The following DOCK3 variants were observed in gnomAD, a reference collection of about 807,000 sequenced individuals.
DOCK3 encodes the protein dedicator of cytokinesis 3.
A neutral mutation model predicts 265.6 loss-of-function variants in DOCK3; 60 were observed. The ratio of observed to expected loss-of-function variants is 0.23; its 90% CI spans 0.18 to 0.28. The LOEUF is 0.28. DOCK3 is among the 10% of genes least tolerant of loss of function. The pLI is 1.00. For synonymous variants in DOCK3, 881 were observed against 938.0 expected (o/e 0.94, Z 1.11); for missense variants, 1,981 against 2,594.3 (o/e 0.76, Z 5.14).
chr3:51,028,708 G>A (rs1318456131), intron 5 of DOCK3, among the ~76,000 whole-genome samples: 1 of 152,064 alleles, frequency 6.6e-6, no homozygotes, highest in African/African-American at 2.4e-5. Context: ...GGTCTAGTCT[G>A]TTGTTAAGGT....
Position 51,225,703 on chromosome 3 carries a change from G to A in DOCK3, c.1307G>A (p.Gly436Glu). The stretch of plus-strand genomic sequence containing the variant: ...CTGGAGAAGGGGGATTTCGAGAGAG[G>A]AGGAAAGAGTGTACAAAAGAATATT... ...LTLEKGDFER[G>E]GKSVQKNIEV... Residue 436 changes from glycine to glutamate, a missense_variant, in exon 15 of 53, where the codon GGA becomes GAA. Coordinates refer to ENST00000266037, the MANE Select transcript of DOCK3 (RefSeq NM_004947.5). 6.2e-7 allele frequency: 1 copy of A among 1,613,828 alleles called. No homozygotes were observed. Among genetic ancestry groups the A allele is most frequent in the South Asian group, 1.1e-5 (1 of 91,058 alleles).
chr3:51,295,745 T>C (rs904881384), intron 27 of DOCK3, among the ~76,000 whole-genome samples: 1 of 151,896 alleles, frequency 6.6e-6, no homozygotes, highest in Non-Finnish European at 1.5e-5. Flanking sequence ...TTTTATTTAT[T>C]ATACTGGAGA....
chr3:50,934,869 C>T (rs140005735), intron 5 of DOCK3, among the ~76,000 whole-genome samples: 123 of 152,174 alleles, frequency 8.1e-4, no homozygotes, highest in Non-Finnish European at 2.9e-4. Flanking sequence ...AGGGTTTGGG[C>T]TCTGGACGAT....
At chr3:50,800,105 C>T (rs559523833) in intron 2 of DOCK3, among the ~76,000 whole-genome samples, 4 of 151,976 alleles carry the variant, frequency 2.6e-5, no homozygotes, top group South Asian at 2.1e-4. Context: ...AGTATTTTGT[C>T]GAGGACTTTT....
chr3:51,007,287 T>C (rs903683157), intron 5 of DOCK3, among the ~76,000 whole-genome samples: 4 of 152,216 alleles, frequency 2.6e-5, no homozygotes, highest in African/African-American at 9.6e-5. Flanking sequence ...CAGCACCTGT[T>C]GTTTCCTGAC....
intron 32 of DOCK3, among the ~76,000 whole-genome samples, chr3:51,322,418 T>G (rs909658991): frequency 1.3e-5 from 2 of 152,148 alleles, no homozygotes; most frequent in East Asian, 3.9e-4. Context: ...TTAGCCAGGA[T>G]GGTCTCAATC....
At chr3:50,776,844 T>C (rs911751658) in intron 1 of DOCK3, among the ~76,000 whole-genome samples, 1 of 152,126 alleles carries the variant, frequency 6.6e-6, no homozygotes, top group South Asian at 2.1e-4. Flanking sequence ...TATTAATCCA[T>C]TTTTATGCTG....
At chr3:51,119,252 G>C (rs569574732) in intron 9 of DOCK3, among the ~76,000 whole-genome samples, 2 of 152,082 alleles carry the variant, frequency 1.3e-5, no homozygotes, top group African/African-American at 4.8e-5. Context: ...ATGATATTCT[G>C]GGTTGAAAAT....
At chr3:50,916,878 T>C (rs1575523866) in intron 4 of DOCK3, among the ~76,000 whole-genome samples, 1 of 151,620 alleles carries the variant, frequency 6.6e-6, no homozygotes, top group Middle Eastern at 3.4e-3. Flanking sequence ...AGTTGTCTTA[T>C]AATTGTTTTG....
chr3:51,195,914 T>C (rs1272717140), intron 12 of DOCK3, among the ~76,000 whole-genome samples: 1 of 152,076 alleles, frequency 6.6e-6, no homozygotes, highest in East Asian at 1.9e-4. Context: ...AGATTTTTTT[T>C]CTTTTATTCT....
chr3:51,057,121 G>A (rs576859905), intron 5 of DOCK3, among the ~76,000 whole-genome samples: 19 of 152,268 alleles, frequency 1.2e-4, no homozygotes, highest in African/African-American at 4.6e-4. Flanking sequence ...GTGGCACAAC[G>A]TTTCTTTCCA....
At chr3:50,910,589 G>A (rs566399622) in intron 4 of DOCK3, among the ~76,000 whole-genome samples, 5 of 152,234 alleles carry the variant, frequency 3.3e-5, no homozygotes, top group African/African-American at 1.2e-4. Flanking sequence ...CCTACTGCTG[G>A]GGTGTAAGAT....
chr3:51,200,148 G>C (rs569103081), intron 12 of DOCK3, among the ~76,000 whole-genome samples: 1 of 152,046 alleles, frequency 6.6e-6, no homozygotes, highest in Non-Finnish European at 1.5e-5. Context: ...TCAAAGGATC[G>C]CAGTTCCTCA....
At chr3:50,764,970 C>T (rs2040774964) in intron 1 of DOCK3, among the ~76,000 whole-genome samples, 1 of 151,212 alleles carries the variant, frequency 6.6e-6, no homozygotes, top group Non-Finnish European at 1.5e-5. Context: ...GTATGTTGGC[C>T]AGGCTGATCT....
rs374600721 is a variant in DOCK3 at position 51,318,024 on chromosome 3, C to T, written c.3402+2896C>T. Among the ~76,000 whole-genome samples, 4 of 151,920 alleles carry T rather than the reference C, an allele frequency of 2.6e-5. No individual in the cohort carries two copies. The East Asian group carries it at 7.7e-4, about 29-fold the overall frequency. On this transcript the variant is annotated intron_variant, in intron 32 of 52. Coordinates refer to ENST00000266037, the MANE Select transcript of DOCK3 (RefSeq NM_004947.5). Reference sequence around the variant, plus strand: ...TTCCTTTTTTAAATAAATTTAGAATCAGCATGTCGATATCTATAACATTCC... The same window carrying T: ...TTCCTTTTTTAAATAAATTTAGAATTAGCATGTCGATATCTATAACATTCC...
intron 9 of DOCK3, among the ~76,000 whole-genome samples, chr3:51,112,746 A>G (rs1254939869): frequency 6.6e-6 from 1 of 152,166 alleles, no homozygotes; most frequent in African/African-American, 2.4e-5. Flanking sequence ...CAGGTTTTAA[A>G]CCAGGAGTTC....
At chr3:50,729,349 AT>A in intron 1 of DOCK3, among the ~76,000 whole-genome samples, 2 of 103,894 alleles carry the variant, frequency 1.9e-5, no homozygotes, top group African/African-American at 3.9e-5. Context: ...GTTTATTTTT[AT>A]TTTTATTTTA....
In DOCK3 at chr3:51,308,791, G is replaced by A. The variant is rs539417993; in HGVS notation, c.2923-1441G>A. ...AGGGGCTCCTCACTTCCCAGTAGGG[G>A]CAGCTGCCGGGCGGAGGGGCTCCTC... On this transcript the variant is annotated intron_variant, in intron 27 of 52. Transcript: ENST00000266037. Among the ~76,000 whole-genome samples the A allele has an allele frequency of 4.3e-3, 652 of 150,966 alleles. 7 individuals are homozygous for A. The highest frequency in any genetic ancestry group is 0.013 in the African/African-American group (550 of 41,088).
chr3:50,966,523 T>C (rs1452872630), intron 5 of DOCK3, among the ~76,000 whole-genome samples: 1 of 135,440 alleles, frequency 7.4e-6, no homozygotes, highest in African/African-American at 3.0e-5. Flanking sequence ...TTTTTGAAAA[T>C]AGCCATTCTA....
Sources: gnomAD v4.1 joint callset for allele counts (sites outside exome capture counted in the v4.1 genomes callset) on GRCh38, gnomAD v4.1.1 for gene constraint, MANE v1.5 for transcripts, NCBI Gene and HGNC (gene_info 2026-07-23, HGNC 2026-07-21) for gene names.